The following PKD2 variants were observed in gnomAD, a reference collection of about 807,000 sequenced individuals.
PKD2 encodes polycystin-2.
In PKD2, 48 loss-of-function variants were observed where a neutral mutation model predicts 105.9. The ratio of observed to expected loss-of-function variants is 0.45; its 90% CI spans 0.36 to 0.58. The LOEUF (loss-of-function observed/expected upper bound fraction) is 0.58, where lower values mean the gene tolerates loss of function less well. PKD2 is among the 20% of genes least tolerant of loss of function. The probability of loss-of-function intolerance (pLI) is 0.00; values close to 1 mark genes in which losing one functional copy is unlikely to be tolerated. For missense variants in PKD2, 1,078 were observed against 1,255.3 expected (o/e 0.86, Z 2.13); for synonymous variants, 464 against 481.1 (o/e 0.96, Z 0.46).
At chr4:88,013,709 T>TAAA (rs199674454) in intron 1 of PKD2, among the ~76,000 whole-genome samples, 36 of 131,166 alleles carry the variant, frequency 2.7e-4, no homozygotes, top group South Asian at 1.4e-3. Context: ...AGCCTGTATC[T>TAAA]AAAAAAAAAA....
At chr4:88,018,609 A>G (rs1726640943) in intron 1 of PKD2, among the ~76,000 whole-genome samples, 1 of 152,234 alleles carries the variant, frequency 6.6e-6, no homozygotes, top group Non-Finnish European at 1.5e-5. Context: ...ACTGTTCATT[A>G]ACGGGGCTTT....
intron 2 of PKD2, among the ~76,000 whole-genome samples, chr4:88,020,410 A>G (rs980343428): frequency 1.3e-5 from 2 of 152,122 alleles, no homozygotes; most frequent in African/African-American, 4.8e-5. Flanking sequence ...GAAACTTGCT[A>G]TAGGCCCATC....
At chr4:88,069,215 A>G (rs1020211558) in intron 13 of PKD2, among the ~76,000 whole-genome samples, 1 of 152,092 alleles carries the variant, frequency 6.6e-6, no homozygotes, top group Admixed American at 6.6e-5. Flanking sequence ...TGTAGACAGC[A>G]TATAATTGGA....
At chr4:88,068,111 G>T in intron 13 of PKD2, 50 bp downstream of exon 13, 1 of 1,403,522 alleles carries the variant, frequency 7.1e-7, no homozygotes, top group South Asian at 1.2e-5. Flanking sequence ...GTCCACATGA[G>T]ACCAGGCAGT....
At chr4:88,035,970 A>G in intron 2 of PKD2, 1 of 528,326 alleles carries the variant, frequency 1.9e-6, no homozygotes, top group South Asian at 2.0e-5. Flanking sequence ...TCTTACATTG[A>G]TACTCAATAG....
intron 1 of PKD2, among the ~76,000 whole-genome samples, chr4:88,012,367 A>G (rs74584966): frequency 0.018 from 2,797 of 152,262 alleles, 33 homozygotes; most frequent in South Asian, 0.047. Flanking sequence ...AGTGTTTCTC[A>G]TCCACTGTGC....
At chr4:88,026,810 C>G (rs1726974519) in intron 2 of PKD2, among the ~76,000 whole-genome samples, 2 of 152,220 alleles carry the variant, frequency 1.3e-5, no homozygotes, top group East Asian at 3.9e-4. Context: ...ACCCTGTGTT[C>G]CAGCCACTCC....
intron 9 of PKD2, 131 bp downstream of exon 9, chr4:88,058,234 G>A: frequency 1.5e-6 from 1 of 667,216 alleles, no homozygotes; most frequent in Non-Finnish European, 2.6e-6. Context: ...TGTGGATGTT[G>A]GAAAACTTAT....
In PKD2 at chr4:88,046,718, G is replaced by A. The variant is rs1395534748; in HGVS notation, c.1396G>A (p.Val466Ile). 9.9e-6 allele frequency: 16 copies of A among 1,613,746 alleles called. No homozygotes were observed. Among genetic ancestry groups the A allele is most frequent in the Non-Finnish European group, 1.4e-5 (16 of 1,179,680 alleles). ...TCAGCCTTTAAAGCTGATCCGATAT[G>A]TCACAACTTTTGATTTCTTCCTGGC... Reference protein sequence around the residue: ...QFQPLKLIRYVTTFDFFLAAC... With the variant: ...QFQPLKLIRYITTFDFFLAAC... The change falls in exon 6 of 15, where the codon GTC becomes ATC. Residue 466 changes from valine (V) to isoleucine (I), a missense_variant. Physicochemically the swap from Val to Ile is conservative, Grantham distance 29 (BLOSUM62 3). Coordinates refer to ENST00000237596, the MANE Select transcript of PKD2 (RefSeq NM_000297.4).
intron 1 of PKD2, among the ~76,000 whole-genome samples, chr4:88,017,155 C>T (rs777251707): frequency 6.6e-5 from 10 of 152,018 alleles, no homozygotes; most frequent in Non-Finnish European, 1.0e-4. Flanking sequence ...GAGACCTCAT[C>T]TCTGCAAAAA....
rs766821096 is a variant in PKD2, at chr4:88,074,876, G to A, written c.2587G>A (p.Val863Met). The A allele has an allele frequency of 7.4e-6, 12 of 1,614,116 alleles. No homozygotes were observed. The highest frequency in any genetic ancestry group is 5.5e-5 in the South Asian group (5 of 91,076). ...CAGCATAGTGTCCAAGATTGACGCC[G>A]TGATCGTGAAGCTAGAGATTATGGA... ...IGSIVSKIDA[V>M]IVKLEIMERA... The change falls in exon 14 of 15, where the codon GTG becomes ATG. Residue 863 changes from valine (V) to methionine (M), a missense_variant. Physicochemically the swap from Val to Met is conservative, Grantham distance 21 (BLOSUM62 1). Transcript: ENST00000237596.
intron 2 of PKD2, among the ~76,000 whole-genome samples, chr4:88,031,908 A>G (rs774986470): frequency 1.3e-5 from 2 of 152,222 alleles, no homozygotes; most frequent in African/African-American, 4.8e-5. Flanking sequence ...CAAACTGAGT[A>G]TTCACCTTAT....
At chr4:88,043,520 G>A in intron 5 of PKD2, 63 bp downstream of exon 5, 3 of 1,242,804 alleles carry the variant, frequency 2.4e-6, no homozygotes, top group Non-Finnish European at 3.5e-6. Flanking sequence ...CCTATTCTGG[G>A]GTTAGCCAGA....
rs141333049 is a variant in PKD2, at chr4:88,044,618, A to T, written c.1319+1161A>T. 4.1e-3 allele frequency among the ~76,000 whole-genome samples: 623 copies of T among 152,304 alleles called. 6 individuals are homozygous for T. The highest frequency in any genetic ancestry group is 6.8e-3 in the Middle Eastern group (2 of 294). The stretch of plus-strand genomic sequence containing the variant: ...ATATATATAATGAGATATCTTGGGG[A>T]TGGGACCCAAGTCTAAACACAAAAT... On this transcript the variant is annotated intron_variant, in intron 5 of 14. Coordinates refer to ENST00000237596, the MANE Select transcript of PKD2 (RefSeq NM_000297.4).
rs1450630438 is a variant in PKD2 at position 88,007,798 on chromosome 4, G to A, written c.65G>A (p.Arg22His). 7.7e-6 allele frequency: 9 copies of A among 1,167,762 alleles called. No homozygotes were observed. The Admixed American group carries it at 3.2e-4, about 42-fold the overall frequency. 72.3% of individuals were successfully genotyped at this position (1,167,762 alleles called of 1,614,324 possible). A position where few individuals can be genotyped will look rare whatever the true frequency, so the allele number is the denominator to read the frequency against. The change falls in exon 1 of 15, where the codon CGC becomes CAC. Residue 22 changes from arginine (R) to histidine (H), a missense_variant. Around this residue, in one of 2 missense-constraint regions of PKD2, gnomAD observed 210 missense variants for 187.9 expected, o/e 1.12. Transcript: ENST00000237596. ...PGDAKRPPAPRAPDPGRLMAG... is the reference protein window; with the variant it reads ...PGDAKRPPAPHAPDPGRLMAG... ...GACGCCAAGCGGCCGCCCGCGCCCCGCGCGCCGGACCCGGGCCGGCTGATG... is the reference window on the plus strand; with the variant it reads ...GACGCCAAGCGGCCGCCCGCGCCCCACGCGCCGGACCCGGGCCGGCTGATG...
chr4:88,015,231 G>C (rs1726519005), intron 1 of PKD2, among the ~76,000 whole-genome samples: 2 of 152,222 alleles, frequency 1.3e-5, no homozygotes, highest in Admixed American at 1.3e-4. Context: ...CGCAGAGCAG[G>C]AGGTGAGCAG....
chr4:88,043,598 A>G (rs577079505), intron 5 of PKD2, 141 bp downstream of exon 5: 51 of 633,952 alleles, frequency 8.0e-5, no homozygotes, highest in African/African-American at 6.4e-4. Context: ...GGGAGGGGTA[A>G]AAACTGAAGG....
chr4:88,033,044 CAG>C (rs1464217653), intron 2 of PKD2, among the ~76,000 whole-genome samples: 4 of 152,112 alleles, frequency 2.6e-5, no homozygotes, highest in Admixed American at 1.3e-4. Context: ...AGCTGACCAC[CAG>C]AGTTTGTAGA....
At chr4:88,049,741 A>C (rs1412561588) in intron 6 of PKD2, among the ~76,000 whole-genome samples, 3 of 152,174 alleles carry the variant, frequency 2.0e-5, no homozygotes, top group African/African-American at 7.2e-5. Context: ...AAAAGAAATT[A>C]TATTCTTAAT....
Sources: allele counts gnomAD v4.1 joint callset (sites outside exome capture counted in the v4.1 genomes callset), GRCh38; gene constraint gnomAD v4.1.1; regional missense constraint gnomAD v4.1.1; transcripts MANE v1.5; gene names NCBI Gene and HGNC (gene_info 2026-07-23, HGNC 2026-07-21).